The following MOB1B variants were observed in gnomAD, a reference collection of about 807,000 sequenced individuals.
MOB1B encodes the protein MOB1 Mps One Binder homolog B.
A neutral mutation model predicts 24.4 loss-of-function variants in MOB1B; 19 were observed. That is an observed-to-expected ratio of 0.78 (90% CI 0.54 to 1.14). MOB1B has a LOEUF of 1.14. MOB1B is among the 50% of genes most tolerant of loss of function. The probability of loss-of-function intolerance (pLI) is 0.00; values close to 1 mark genes in which losing one functional copy is unlikely to be tolerated. For missense variants in MOB1B, 243 were observed against 259.6 expected, an observed-to-expected ratio of 0.94 and a Z score of 0.44; for synonymous variants, 76 against 82.1, an observed-to-expected ratio of 0.93 and a Z score of 0.40.
In MOB1B at chr4:70,980,556, G is replaced by A. The variant is rs796600930; in HGVS notation, c.573+1265G>A. The stretch of plus-strand genomic sequence containing the variant: ...TTATACAGTATCACTGTTTGATTAA[G>A]TAAGGGGGGCACCTGCCTTGGGCCC... On this transcript the variant is annotated intron_variant, in intron 5 of 5. Transcript: ENST00000309395. Among the ~76,000 whole-genome samples the A allele has an allele frequency of 3.3e-5, 5 of 152,242 alleles. 1 individual carries two copies. Among genetic ancestry groups the A allele is most frequent in the African/African-American group, 1.2e-4 (5 of 41,536 alleles).
rs1480694662 is a variant in MOB1B at position 70,986,767 on chromosome 4, A to C, written c.*4710A>C. 2 of 152,312 alleles carry C rather than the reference A, an allele frequency of 1.3e-5. No homozygotes were observed. The highest frequency in any genetic ancestry group is 3.9e-4 in the East Asian group (2 of 5,194). The allele number at this position is 152,312 out of a possible 1,614,324, so 9.4% of individuals were successfully genotyped here. ...AAATGTTTAGCAGTAAAGCTATCTT[A>C]AGATTTAATGGAAAAGTTTAATTTG... On this transcript the variant is annotated 3_prime_UTR_variant, in exon 6 of 6. Transcript: ENST00000309395.
chr4:70,955,804 G>A (rs909206362), intron 1 of MOB1B, among the ~76,000 whole-genome samples: 1 of 151,802 alleles, frequency 6.6e-6, no homozygotes, highest in Non-Finnish European at 1.5e-5. Flanking sequence ...TTGATAAAGG[G>A]TTAGAAAGAG....
chr4:70,969,823 C>T, intron 2 of MOB1B, 108 bp from the exon 3 acceptor site: 2 of 515,148 alleles, frequency 3.9e-6, no homozygotes, highest in Non-Finnish European at 6.8e-6. Context: ...TTCACCTGTT[C>T]TTTGTAGGGG....
chr4:70,975,755 T>C (rs1287114064), intron 4 of MOB1B: 46 of 976,894 alleles, frequency 4.7e-5, no homozygotes, highest in Non-Finnish European at 5.6e-5. Flanking sequence ...TGGAGGGTTA[T>C]TCCTATTCTA....
chr4:70,959,060 C>T lies in MOB1B; in HGVS notation c.181+20C>T, dbSNP rs1356670604. The stretch of plus-strand genomic sequence containing the variant: ...TTAACAGTAAGTAGCCTTTTTATTT[C>T]TCAGTAGCCTGTGAATTAGGGTAAT... On this transcript the variant is annotated intron_variant, in intron 2 of 5. Transcript: ENST00000309395. 1 of 1,607,988 alleles carries T rather than the reference C, an allele frequency of 6.2e-7. No individual in the cohort carries two copies. Among genetic ancestry groups the T allele is most frequent in the East Asian group, 2.2e-5 (1 of 44,832 alleles).
intron 1 of MOB1B, among the ~76,000 whole-genome samples, chr4:70,947,851 T>G (rs1422324539): frequency 6.6e-6 from 1 of 152,202 alleles, no homozygotes; most frequent in African/African-American, 2.4e-5. Context: ...TGAAGTGATC[T>G]GCCTACCTTG....
chr4:70,964,651 C>T lies in MOB1B; in HGVS notation c.182-5280C>T, dbSNP rs149820941. On this transcript the variant is annotated intron_variant, in intron 2 of 5. Coordinates refer to ENST00000309395, the MANE Select transcript of MOB1B (RefSeq NM_173468.4). ...CAAAGAAAGTTAAAAGAGGTGAGGC[C>T]GGGTGCGGTGGTTCATGCCTGTAAT... Among the ~76,000 whole-genome samples the T allele has an allele frequency of 7.5e-3, 1,144 of 152,140 alleles. 13 individuals carry two copies. Among genetic ancestry groups the T allele is most frequent in the African/African-American group, 0.026 (1,095 of 41,532 alleles).
At chr4:70,971,880 T>C (rs936700136) in intron 3 of MOB1B, among the ~76,000 whole-genome samples, 94 of 152,264 alleles carry the variant, frequency 6.2e-4, no homozygotes, top group African/African-American at 2.2e-3. Flanking sequence ...TGCCTGCGTG[T>C]CTGCTTCCCT....
At chr4:70,962,547 T>C (rs1330778434) in intron 2 of MOB1B, among the ~76,000 whole-genome samples, 1 of 151,930 alleles carries the variant, frequency 6.6e-6, no homozygotes, top group Non-Finnish European at 1.5e-5. Flanking sequence ...TTAGCATGAA[T>C]TGAATGATAG....
At chr4:70,939,733 G>A (rs976374107) in intron 1 of MOB1B, among the ~76,000 whole-genome samples, 3 of 152,220 alleles carry the variant, frequency 2.0e-5, no homozygotes, top group Non-Finnish European at 2.9e-5. Context: ...CCCAGTGGGC[G>A]TGTGTTACCC....
intron 1 of MOB1B, among the ~76,000 whole-genome samples, chr4:70,918,733 T>A (rs1195505211): frequency 6.6e-6 from 1 of 152,208 alleles, no homozygotes; most frequent in Non-Finnish European, 1.5e-5. Flanking sequence ...TTGTTGCCAT[T>A]GCTTTTGGTG....
rs576729721 is a variant in MOB1B at position 70,927,923 on chromosome 4, C to T, written c.14+25373C>T. On this transcript the variant is annotated intron_variant, in intron 1 of 5. Coordinates refer to ENST00000309395, the MANE Select transcript of MOB1B (RefSeq NM_173468.4). Reference sequence around the variant, plus strand: ...TGCCTTCCTGCTCTAACATCCCTCCCCCACAGTGTTCAGTGATTTTATTTG... The same window carrying T: ...TGCCTTCCTGCTCTAACATCCCTCCTCCACAGTGTTCAGTGATTTTATTTG... Among the ~76,000 whole-genome samples, 14 of 152,292 alleles carry T rather than the reference C, an allele frequency of 9.2e-5. No homozygotes were observed. The South Asian group carries it at 2.9e-3, about 32-fold the overall frequency.
chr4:70,956,474 A>G (rs921613996), intron 1 of MOB1B, among the ~76,000 whole-genome samples: 7 of 151,916 alleles, frequency 4.6e-5, no homozygotes, highest in Non-Finnish European at 2.9e-5. Flanking sequence ...TCTATCACCC[A>G]GGCTGGAAAG....
intron 2 of MOB1B, among the ~76,000 whole-genome samples, chr4:70,963,228 T>G (rs1560658764): frequency 6.6e-6 from 1 of 151,966 alleles, no homozygotes; most frequent in South Asian, 2.1e-4. Context: ...GCCGGAGATG[T>G]ACGTACATGT....
intron 1 of MOB1B, among the ~76,000 whole-genome samples, chr4:70,918,634 G>T (rs201404865): frequency 4.6e-4 from 68 of 149,172 alleles, no homozygotes; most frequent in South Asian, 1.3e-3. Flanking sequence ...CTCCCATTTT[G>T]TAGGTTGCCT....
At chr4:70,938,441 G>A (rs1244188037) in intron 1 of MOB1B, among the ~76,000 whole-genome samples, 5 of 149,780 alleles carry the variant, frequency 3.3e-5, no homozygotes, top group Non-Finnish European at 5.9e-5. Context: ...TGATTATTCA[G>A]ATTCACTTTA....
At chr4:70,980,496 C>G (rs1411278423) in intron 5 of MOB1B, among the ~76,000 whole-genome samples, 1 of 152,152 alleles carries the variant, frequency 6.6e-6, no homozygotes, top group East Asian at 1.9e-4. Context: ...CTGTTTGTAT[C>G]TCAGGACACT....
At chr4:70,917,247 T>A (rs1736231121) in intron 1 of MOB1B, among the ~76,000 whole-genome samples, 1 of 152,134 alleles carries the variant, frequency 6.6e-6, no homozygotes, top group Non-Finnish European at 1.5e-5. Flanking sequence ...CTACATTGGG[T>A]CTTCATCTTT....
At chr4:70,973,186 C>T (rs1362772013) in intron 3 of MOB1B, among the ~76,000 whole-genome samples, 3 of 152,086 alleles carry the variant, frequency 2.0e-5, no homozygotes, top group Non-Finnish European at 2.9e-5. Context: ...CTGATTTTTA[C>T]ATTTAAATAT....
Sources: gnomAD v4.1 joint callset for allele counts (sites outside exome capture counted in the v4.1 genomes callset) on GRCh38, gnomAD v4.1.1 for gene constraint, MANE v1.5 for transcripts, NCBI Gene and HGNC (gene_info 2026-07-23, HGNC 2026-07-21) for gene names.